Variants in MRPS27 observed in about 807,000 individuals in gnomAD.
MRPS27 encodes the protein small ribosomal subunit protein mS27.
MRPS27 carries 43 observed loss-of-function variants against 48.9 expected under a neutral mutation model. That is an observed-to-expected ratio of 0.88 (90% confidence interval 0.69 to 1.13). The LOEUF (loss-of-function observed/expected upper bound fraction) is 1.13. Among genes scored for constraint, MRPS27 ranks in the 50% most tolerant of loss-of-function variants. MRPS27 has a pLI of 0.00. For synonymous variants in MRPS27, 188 were observed against 171.9 expected, an observed-to-expected ratio of 1.09 and a Z score of -0.73; for missense variants, 467 against 476.3, an observed-to-expected ratio of 0.98 and a Z score of 0.18.
chr5:72,262,689 T>C (rs1382970910), intron 4 of MRPS27, among the ~76,000 whole-genome samples: 1 of 152,170 alleles, frequency 6.6e-6, no homozygotes, highest in Non-Finnish European at 1.5e-5. Context: ...TTCCATCTTG[T>C]AGACTGACAG....
chr5:72,312,231 A>G (rs1225976125), intron 2 of MRPS27, among the ~76,000 whole-genome samples: 5 of 152,234 alleles, frequency 3.3e-5, no homozygotes, highest in Non-Finnish European at 7.3e-5. Context: ...CATCAAAAAC[A>G]ACCTGTTTAT....
At chr5:72,290,612 A>G (rs926417309) in intron 4 of MRPS27, among the ~76,000 whole-genome samples, 1 of 152,224 alleles carries the variant, frequency 6.6e-6, no homozygotes, top group African/African-American at 2.4e-5. Flanking sequence ...CATCAGTAAA[A>G]TAAAGATGCA....
chr5:72,310,412 G>GA (rs1236634290), intron 2 of MRPS27, among the ~76,000 whole-genome samples: 1 of 152,024 alleles, frequency 6.6e-6, no homozygotes, highest in Non-Finnish European at 1.5e-5. Flanking sequence ...AGAGGGGGGT[G>GA]GGGGAAAATG....
rs768425189 is a variant in MRPS27 at position 72,295,539 on chromosome 5, G to C, written c.273C>G (p.Tyr91Ter). Residue 91 changes from tyrosine (Y) to a stop codon, truncating the protein, a stop_gained, in exon 4 of 11, where the codon TAC (tyrosine) becomes TAG (stop). Coordinates refer to ENST00000261413, the MANE Select transcript of MRPS27 (RefSeq NM_015084.3). LOFTEE classifies it high-confidence loss of function. ...SREEIDHAEY[Y>*]LYKFRHSPNC... ...TCAAATGGAAAACTTACTTGTAAAGGTAATACTCTGCATGATCTATCTCTT... is the reference window on the plus strand; with the variant it reads ...TCAAATGGAAAACTTACTTGTAAAGCTAATACTCTGCATGATCTATCTCTT... 2 of 1,608,678 alleles carry C rather than the reference G, an allele frequency of 1.2e-6. No homozygotes were observed. Among genetic ancestry groups the C allele is most frequent in the African/African-American group, 2.7e-5 (2 of 74,800 alleles).
intron 2 of MRPS27, among the ~76,000 whole-genome samples, chr5:72,303,595 C>A (rs1306159200): frequency 2.0e-5 from 3 of 151,518 alleles, no homozygotes; most frequent in East Asian, 3.9e-4. Context: ...TCAAAAGTGG[C>A]CAGAAAGAAA....
chr5:72,235,623 T>C (rs575848271), intron 5 of MRPS27, among the ~76,000 whole-genome samples: 18 of 152,248 alleles, frequency 1.2e-4, no homozygotes, highest in African/African-American at 4.3e-4. Context: ...ATAGAAAATC[T>C]ATGTACTTTC....
intron 4 of MRPS27, among the ~76,000 whole-genome samples, chr5:72,282,447 T>A (rs1361730254): frequency 6.6e-6 from 1 of 152,150 alleles, no homozygotes; most frequent in East Asian, 1.9e-4. Flanking sequence ...GTTATGCCTT[T>A]CTCATTGCCC....
chr5:72,292,236 A>T (rs1580105086), intron 4 of MRPS27, among the ~76,000 whole-genome samples: 1 of 124,898 alleles, frequency 8.0e-6, no homozygotes, highest in Non-Finnish European at 1.6e-5. Context: ...GCCAATGAAT[A>T]TAGTTGCTGG....
chr5:72,258,083 C>CAAAA (rs1030737219), intron 4 of MRPS27, among the ~76,000 whole-genome samples: 7 of 61,352 alleles, frequency 1.1e-4, no homozygotes, highest in African/African-American at 1.7e-4. Context: ...GACTCTGTCT[C>CAAAA]AAAAAAAAAA....
At chr5:72,297,562 C>T in intron 3 of MRPS27, 70 bp downstream of exon 3, 1 of 917,440 alleles carries the variant, frequency 1.1e-6, no homozygotes, top group Non-Finnish European at 1.7e-6. Context: ...TACACAGCCT[C>T]ATCTACATGA....
At position 72,269,344 on chromosome 5, in the gene MRPS27, C is replaced by T. The variant is rs79165703; in HGVS notation, c.281+26187G>A. Among the ~76,000 whole-genome samples, 568 of 152,292 alleles carry T rather than the reference C, an allele frequency of 3.7e-3. 1 individual carries two copies. The highest frequency in any genetic ancestry group is 0.013 in the African/African-American group (552 of 41,564). On this transcript the variant is annotated intron_variant, in intron 4 of 10. Transcript: ENST00000261413. ...TATCTGAGACTTTCAGCCACCATCT[C>T]GCCCCCTGCTGGAGAAAGGGAGGAG... is the stretch of plus-strand genomic sequence containing the variant.
intron 1 of MRPS27, among the ~76,000 whole-genome samples, chr5:72,318,532 C>T (rs1192110421): frequency 1.3e-5 from 2 of 152,258 alleles, no homozygotes; most frequent in South Asian, 2.1e-4. Flanking sequence ...CAGTGGCTCA[C>T]GCCCGTAATC....
At chr5:72,302,375 C>G (rs150384579) in intron 2 of MRPS27, among the ~76,000 whole-genome samples, 7 of 152,016 alleles carry the variant, frequency 4.6e-5, no homozygotes, top group Non-Finnish European at 8.8e-5. Flanking sequence ...TGAGGTAGCA[C>G]GAGAGACTTA....
chr5:72,294,905 T>G (rs1331649779), intron 4 of MRPS27: 1 of 152,152 alleles, frequency 6.6e-6, no homozygotes, highest in African/African-American at 2.4e-5. Context: ...GAAATGCTCA[T>G]TGAAGCATTG....
intron 5 of MRPS27, among the ~76,000 whole-genome samples, chr5:72,236,913 T>G (rs187791039): frequency 6.7e-6 from 1 of 148,804 alleles, no homozygotes; most frequent in East Asian, 1.9e-4. Flanking sequence ...TGTTTTTCTT[T>G]TCTTTTTTCC....
At chr5:72,269,915 G>A (rs559208262) in intron 4 of MRPS27, among the ~76,000 whole-genome samples, 18 of 152,214 alleles carry the variant, frequency 1.2e-4, no homozygotes, top group African/African-American at 4.3e-4. Flanking sequence ...AAATGTGGCC[G>A]GGTGCGGTGG....
intron 4 of MRPS27, among the ~76,000 whole-genome samples, chr5:72,256,029 C>T (rs537553719): frequency 1.2e-4 from 18 of 152,324 alleles, no homozygotes; most frequent in African/African-American, 4.3e-4. Flanking sequence ...TGGTTTCAAG[C>T]ATACTGAATG....
chr5:72,260,632 A>G (rs113465791), intron 4 of MRPS27, among the ~76,000 whole-genome samples: 1,677 of 152,332 alleles, frequency 0.011, 31 homozygotes, highest in African/African-American at 0.038. Context: ...TGCTAAAAAC[A>G]GTAGAGACAA....
In MRPS27 at chr5:72,312,796, T is replaced by G. The variant is rs770947457; in HGVS notation, c.151+1285A>C. Among the ~76,000 whole-genome samples the G allele has an allele frequency of 8.5e-5, 13 of 152,138 alleles. No individual in the cohort carries two copies. In the East Asian group the frequency reaches 2.5e-3, roughly 29 times the overall value. On this transcript the variant is annotated intron_variant, in intron 2 of 10. Transcript: ENST00000261413. ...CCACTGCGCCCGGCTAATTTTTGTA[T>G]TTTTTAACAGACGGGGTTTCATCAT...
Sources: allele counts gnomAD v4.1 joint callset (sites outside exome capture counted in the v4.1 genomes callset), GRCh38; gene constraint gnomAD v4.1.1; transcripts MANE v1.5; gene names NCBI Gene and HGNC (gene_info 2026-07-23, HGNC 2026-07-21).